The following NCMAP variants were observed in gnomAD, a reference collection of about 807,000 sequenced individuals.
NCMAP encodes the protein non-compact myelin associated protein.
In NCMAP, 8 loss-of-function variants were observed where a neutral mutation model predicts 7.8. The ratio of observed to expected loss-of-function variants is 1.02; its 90% CI spans 0.60 to 1.84. NCMAP has a LOEUF of 1.84. Ranked by LOEUF, NCMAP falls within the 40% of genes most tolerant of loss-of-function variation. The probability of loss-of-function intolerance (pLI) is 0.00; values close to 1 mark genes in which losing one functional copy is unlikely to be tolerated. For synonymous variants in NCMAP, 41 were observed against 52.9 expected (o/e 0.78, Z 0.98); for missense variants, 112 against 131.4 (o/e 0.85, Z 0.72).
At chr1:24,590,797 A>T (rs1652025539) in intron 1 of NCMAP, among the ~76,000 whole-genome samples, 1 of 152,104 alleles carries the variant, frequency 6.6e-6, no homozygotes, top group Admixed American at 6.5e-5. Flanking sequence ...TTTTTATAGA[A>T]AGAATGTCTC....
rs948063653 is a variant in NCMAP at position 24,608,218 on chromosome 1, G to C, written c.*2471G>C. On this transcript the variant is annotated 3_prime_UTR_variant, in exon 4 of 4. Transcript: ENST00000374392. ...CACAGCTAGTAAGTCACAAAGACAA[G>C]ACTCAAAACCAGGTCTCTTGACTCC... 9 of 152,302 alleles carry C rather than the reference G, an allele frequency of 5.9e-5. No individual in the cohort carries two copies. The highest frequency in any genetic ancestry group is 2.2e-4 in the African/African-American group (9 of 41,554). 9.4% of individuals were successfully genotyped at this position (152,302 alleles called of 1,614,324 possible).
At chr1:24,591,082 G>A (rs1243634916) in intron 1 of NCMAP, among the ~76,000 whole-genome samples, 1 of 152,190 alleles carries the variant, frequency 6.6e-6, no homozygotes, top group African/African-American at 2.4e-5. Flanking sequence ...AAGGATATGA[G>A]AAAGAACAAG....
chr1:24,593,822 CT>C (rs1652124394), intron 1 of NCMAP, among the ~76,000 whole-genome samples: 1 of 151,656 alleles, frequency 6.6e-6, no homozygotes, highest in Admixed American at 6.6e-5. Flanking sequence ...GCTTGGCTTG[CT>C]TCCTTATATT....
At chr1:24,591,045 C>T (rs1272731465) in intron 1 of NCMAP, among the ~76,000 whole-genome samples, 1 of 149,830 alleles carries the variant, frequency 6.7e-6, no homozygotes, top group African/African-American at 2.5e-5. Context: ...GGAGAGAAGA[C>T]CCAGACACTT....
At chr1:24,600,684 A>G (rs966673581) in intron 2 of NCMAP, among the ~76,000 whole-genome samples, 1 of 152,254 alleles carries the variant, frequency 6.6e-6, no homozygotes, top group African/African-American at 2.4e-5. Flanking sequence ...GGAGCTGATA[A>G]GAACCAGGAC....
At chr1:24,558,374 C>G (rs1650965102) in intron 1 of NCMAP, among the ~76,000 whole-genome samples, 1 of 152,300 alleles carries the variant, frequency 6.6e-6, no homozygotes, top group South Asian at 2.1e-4. Flanking sequence ...ATGCATCCAC[C>G]CAGGCTGAGG....
intron 2 of NCMAP, among the ~76,000 whole-genome samples, chr1:24,600,455 A>AT (rs1402085130): frequency 6.6e-6 from 1 of 152,238 alleles, no homozygotes; most frequent in African/African-American, 2.4e-5. Flanking sequence ...CACCTGGCTG[A>AT]TAGATATTTA....
chr1:24,603,001 C>G (rs1437673325), intron 3 of NCMAP, among the ~76,000 whole-genome samples: 1 of 152,006 alleles, frequency 6.6e-6, no homozygotes, highest in Non-Finnish European at 1.5e-5. Flanking sequence ...GATCGCACCA[C>G]TGCACTCCAG....
chr1:24,576,119 C>T lies in NCMAP; in HGVS notation c.-7-19305C>T, dbSNP rs80089468. On this transcript the variant is annotated intron_variant, in intron 1 of 3. Transcript: ENST00000374392. This position sits in a 1 kb window ranked among gnomAD's most constrained non-coding sequence, Gnocchi z 4.0. ...CCCCATCCTCCACCCTCACCACTGC[C>T]ACCCTGCACAGATGGCTCCCCTGCC... 8.1e-3 allele frequency among the ~76,000 whole-genome samples: 1,226 copies of T among 152,144 alleles called. 15 individuals carry two copies. The highest frequency in any genetic ancestry group is 0.028 in the African/African-American group (1,151 of 41,482).
Position 24,607,527 on chromosome 1 carries a change from C to T in NCMAP, c.*1780C>T, listed in dbSNP as rs1039570767. 3 of 152,114 alleles carry T rather than the reference C, an allele frequency of 2.0e-5. No homozygotes were observed. The highest frequency in any genetic ancestry group is 7.2e-5 in the African/African-American group (3 of 41,402). 9.4% of individuals were successfully genotyped at this position (152,114 alleles called of 1,614,324 possible). On this transcript the variant is annotated 3_prime_UTR_variant, in exon 4 of 4. Transcript: ENST00000374392. The stretch of plus-strand genomic sequence containing the variant: ...TGTTAAAGAAAGTGACACACTTTGA[C>T]ATTTAACCTCAAATTTTAGGAGTCT...
At chr1:24,565,963 A>G (rs60397512) in intron 1 of NCMAP, among the ~76,000 whole-genome samples, 46,390 of 151,784 alleles carry the variant, frequency 0.31, 7,337 homozygotes, top group Admixed American at 0.4. Context: ...AGTTCTCATG[A>G]GATCTGATGG....
At chr1:24,599,838 C>A (rs899819784) in intron 2 of NCMAP, among the ~76,000 whole-genome samples, 10 of 70,144 alleles carry the variant, frequency 1.4e-4, no homozygotes, top group African/African-American at 4.0e-4. Context: ...CCCCCCCCCC[C>A]CTTGGCCTCC....
intron 2 of NCMAP, among the ~76,000 whole-genome samples, chr1:24,596,266 C>A (rs1400238329): frequency 6.6e-6 from 1 of 151,140 alleles, no homozygotes; most frequent in Non-Finnish European, 1.5e-5. Flanking sequence ...AAGTGAGCCT[C>A]CAAAACAAAC....
chr1:24,599,989 T>C (rs1474714008), intron 2 of NCMAP, among the ~76,000 whole-genome samples: 1 of 142,502 alleles, frequency 7.0e-6, no homozygotes, highest in Non-Finnish European at 1.6e-5. Flanking sequence ...TTAAAAACTA[T>C]AACGGGTATT....
intron 1 of NCMAP, chr1:24,563,525 AAAC>A (rs1454417438): frequency 4.1e-5 from 5 of 122,962 alleles, no homozygotes; most frequent in Admixed American, 1.7e-4. Flanking sequence ...TTCTTCTCAA[AAAC>A]AACAACAAAA....
At chr1:24,605,536 A>G in intron 3 of NCMAP, 70 bp from the exon 4 acceptor site, 2 of 1,545,032 alleles carry the variant, frequency 1.3e-6, no homozygotes, top group Middle Eastern at 1.7e-4. Flanking sequence ...CCAGAACTGT[A>G]GTCGCAGAGC....
chr1:24,603,234 C>T (rs1267545172), intron 3 of NCMAP, among the ~76,000 whole-genome samples: 2 of 151,944 alleles, frequency 1.3e-5, no homozygotes, highest in Non-Finnish European at 2.9e-5. Flanking sequence ...GAAACAGATA[C>T]AGAAAGACTA....
chr1:24,597,657 A>AAG (rs373683878), intron 2 of NCMAP, among the ~76,000 whole-genome samples: 5 of 132,912 alleles, frequency 3.8e-5, no homozygotes, highest in African/African-American at 1.1e-4. Flanking sequence ...GAAAGAAAGA[A>AAG]AGAAAGAAAG....
At chr1:24,559,846 T>C (rs1215624194) in intron 1 of NCMAP, among the ~76,000 whole-genome samples, 1 of 152,192 alleles carries the variant, frequency 6.6e-6, no homozygotes, top group Admixed American at 6.5e-5. Flanking sequence ...CCAGAGACGA[T>C]AGTACCCTCT....
Sources: gnomAD v4.1 joint callset for allele counts (sites outside exome capture counted in the v4.1 genomes callset) on GRCh38, gnomAD v4.1.1 for gene constraint, Gnocchi (gnomAD v3.1) non-coding constraint, MANE v1.5 for transcripts, NCBI Gene and HGNC (gene_info 2026-07-23, HGNC 2026-07-21) for gene names.